The following MSI2 variants were observed in gnomAD, a reference collection of about 807,000 sequenced individuals.
The protein encoded by MSI2 is RNA-binding protein Musashi homolog 2.
Under a neutral mutation model 45.6 loss-of-function variants are expected in MSI2, and 17 were observed. That is an observed-to-expected ratio of 0.37 (90% CI 0.26 to 0.56). MSI2 has a LOEUF of 0.56. MSI2 is among the 20% of genes least tolerant of loss of function. The probability of loss-of-function intolerance (pLI) is 0.77; values close to 1 mark genes in which losing one functional copy is unlikely to be tolerated. For synonymous variants in MSI2, 156 were observed against 158.2 expected (o/e 0.99, Z 0.11); for missense variants, 293 against 444.2 (o/e 0.66, Z 3.06).
chr17:57,342,357 A>T (rs1167974002), intron 5 of MSI2, among the ~76,000 whole-genome samples: 1 of 152,128 alleles, frequency 6.6e-6, no homozygotes, highest in Non-Finnish European at 1.5e-5. Flanking sequence ...ACCCCCTGAG[A>T]TTTTGGTCTT....
At chr17:57,606,966 G>T (rs897823487) in intron 8 of MSI2, among the ~76,000 whole-genome samples, 6 of 151,948 alleles carry the variant, frequency 3.9e-5, no homozygotes, top group Non-Finnish European at 7.4e-5. Flanking sequence ...GTCTATGATT[G>T]GATTCTGACT....
chr17:57,505,373 G>C (rs543356359), intron 6 of MSI2, among the ~76,000 whole-genome samples: 3 of 152,256 alleles, frequency 2.0e-5, no homozygotes, highest in East Asian at 1.9e-4. Flanking sequence ...TTACAGAGAG[G>C]GGGTAGAGCA....
intron 6 of MSI2, among the ~76,000 whole-genome samples, chr17:57,430,394 T>C (rs1251626320): frequency 6.6e-6 from 1 of 152,190 alleles, no homozygotes; most frequent in Non-Finnish European, 1.5e-5. Flanking sequence ...GTAATCAGTG[T>C]CCACACTGCC....
At chr17:57,640,091 G>C (rs1461532680) in intron 10 of MSI2, among the ~76,000 whole-genome samples, 2 of 152,112 alleles carry the variant, frequency 1.3e-5, no homozygotes, top group Non-Finnish European at 2.9e-5. Context: ...AGAGGAGGTG[G>C]GGGGAGCTGG....
intron 9 of MSI2, chr17:57,626,334 A>G (rs745394767): frequency 1.3e-5 from 2 of 152,276 alleles, no homozygotes; most frequent in Admixed American, 6.5e-5. Context: ...TGAATCAGGC[A>G]GGGACTTGAA....
chr17:57,406,464 G>A (rs890697057), intron 6 of MSI2, among the ~76,000 whole-genome samples: 1 of 152,128 alleles, frequency 6.6e-6, no homozygotes, highest in Non-Finnish European at 1.5e-5. Context: ...TCTCCGCTTC[G>A]TCCCGGATGG....
chr17:57,590,839 C>G (rs1337199339), intron 7 of MSI2, among the ~76,000 whole-genome samples: 1 of 152,134 alleles, frequency 6.6e-6, no homozygotes, highest in Non-Finnish European at 1.5e-5. Context: ...CTTTGTTTCT[C>G]CCACCTCCCC....
chr17:57,285,719 C>T, intron 5 of MSI2: 1 of 685,694 alleles, frequency 1.5e-6, no homozygotes. Flanking sequence ...AACGTCTCCC[C>T]AAGTAGGTAT....
intron 5 of MSI2, among the ~76,000 whole-genome samples, chr17:57,311,088 A>G (rs1382174639): frequency 6.6e-6 from 1 of 152,214 alleles, no homozygotes; most frequent in African/African-American, 2.4e-5. Flanking sequence ...TAGATGCTCA[A>G]TATGTGGTGG....
chr17:57,541,521 A>G (rs1246448284), intron 7 of MSI2, among the ~76,000 whole-genome samples: 2 of 152,226 alleles, frequency 1.3e-5, no homozygotes, highest in Admixed American at 1.3e-4. Flanking sequence ...AAGCTGCCAA[A>G]CAGACTTCTT....
At chr17:57,593,953 C>G (rs997163830) in intron 7 of MSI2, among the ~76,000 whole-genome samples, 1 of 152,226 alleles carries the variant, frequency 6.6e-6, no homozygotes, top group African/African-American at 2.4e-5. Flanking sequence ...TTGATCTCCA[C>G]GTCCTTCACA....
intron 6 of MSI2, among the ~76,000 whole-genome samples, chr17:57,459,354 C>T (rs1401318502): frequency 2.0e-5 from 3 of 152,164 alleles, no homozygotes; most frequent in African/African-American, 4.8e-5. Flanking sequence ...GCATTGTCCT[C>T]AGTCGGACTT....
At chr17:57,484,374 G>A (rs1003118587) in intron 6 of MSI2, among the ~76,000 whole-genome samples, 3 of 152,176 alleles carry the variant, frequency 2.0e-5, no homozygotes, top group Non-Finnish European at 4.4e-5. Flanking sequence ...TTTCCTGGAC[G>A]TTTCACCTGG....
chr17:57,321,096 G>A (rs529263506), intron 5 of MSI2, among the ~76,000 whole-genome samples: 1 of 151,524 alleles, frequency 6.6e-6, no homozygotes, highest in South Asian at 2.1e-4. Flanking sequence ...GCGGTGGGGG[G>A]GATGGATTTG....
chr17:57,525,374 T>A (rs1181270012), intron 6 of MSI2, among the ~76,000 whole-genome samples: 2 of 152,108 alleles, frequency 1.3e-5, no homozygotes, highest in Non-Finnish European at 2.9e-5. Flanking sequence ...AGCCTCAACC[T>A]CCCAGGCTCA....
chr17:57,503,132 T>C (rs1195370843), intron 6 of MSI2, among the ~76,000 whole-genome samples: 40 of 152,192 alleles, frequency 2.6e-4, no homozygotes, highest in Non-Finnish European at 5.9e-5. Flanking sequence ...AGCTGTCATA[T>C]AAATCACAGT....
chr17:57,538,303 G>C (rs2086966288), intron 7 of MSI2, among the ~76,000 whole-genome samples: 1 of 152,148 alleles, frequency 6.6e-6, no homozygotes, highest in African/African-American at 2.4e-5. Flanking sequence ...TCCTAGAGGG[G>C]TCCCGGTTAT....
At chr17:57,577,940 C>T (rs1053301535) in intron 7 of MSI2, among the ~76,000 whole-genome samples, 4 of 152,296 alleles carry the variant, frequency 2.6e-5, no homozygotes, top group Non-Finnish European at 4.4e-5. Flanking sequence ...CCCACACCAC[C>T]CGCAAGCAAA....
At position 57,429,167 on chromosome 17, in the gene MSI2, G is replaced by A. The variant is rs149489429; in HGVS notation, c.405+27696G>A. Among the ~76,000 whole-genome samples the A allele has an allele frequency of 6.4e-3, 979 of 152,154 alleles. 9 individuals are homozygous for A. The highest frequency in any genetic ancestry group is 0.022 in the African/African-American group (932 of 41,490). ...GCAGATCTCCCTTCATGTGGGGAGG[G>A]CCTTCTAGATGGCACCTGGGCTATG... is the stretch of plus-strand genomic sequence containing the variant. On this transcript the variant is annotated intron_variant, in intron 6 of 13. Coordinates refer to ENST00000284073, the MANE Select transcript of MSI2 (RefSeq NM_138962.4).
Sources: allele counts gnomAD v4.1 joint callset (sites outside exome capture counted in the v4.1 genomes callset), GRCh38; gene constraint gnomAD v4.1.1; transcripts MANE v1.5; gene names NCBI Gene and HGNC (gene_info 2026-07-23, HGNC 2026-07-21).